The following KDSR variants were observed in gnomAD, a reference collection of about 807,000 sequenced individuals.
KDSR encodes 3-ketodihydrosphingosine reductase, also known as 3-dehydrosphinganine reductase.
In KDSR, 23 loss-of-function variants were observed where a neutral mutation model predicts 41.3. That is an observed-to-expected ratio of 0.56 (90% CI 0.40 to 0.79). KDSR has a LOEUF of 0.79. KDSR is among the 30% of genes least tolerant of loss of function. The probability of loss-of-function intolerance (pLI) is 0.00; values close to 1 mark genes in which losing one functional copy is unlikely to be tolerated. For missense variants in KDSR, 351 were observed against 416.8 expected, an observed-to-expected ratio of 0.84 and a Z score of 1.37; for synonymous variants, 138 against 151.7, an observed-to-expected ratio of 0.91 and a Z score of 0.66.
intron 9 of KDSR, among the ~76,000 whole-genome samples, chr18:63,332,758 G>C (rs764825311): frequency 3.3e-5 from 5 of 150,002 alleles, no homozygotes; most frequent in Middle Eastern, 7.0e-3. Context: ...TGTGAACCCA[G>C]GAGGCAGAGC....
intron 2 of KDSR, among the ~76,000 whole-genome samples, chr18:63,362,266 C>T (rs959399652): frequency 6.6e-6 from 1 of 152,234 alleles, no homozygotes; most frequent in Non-Finnish European, 1.5e-5. Flanking sequence ...AAAACAGATT[C>T]TGTGTTGACT....
chr18:63,366,971 G>T, intron 1 of KDSR, 40 bp downstream of exon 1: 1 of 1,143,210 alleles, frequency 8.7e-7, no homozygotes, highest in Non-Finnish European at 1.1e-6. Context: ...AAGGCCGCGC[G>T]GGCCGGTAAG....
Position 63,332,855 on chromosome 18 carries a change from A to G in KDSR, c.880-954T>C, listed in dbSNP as rs566000174. On this transcript the variant is annotated intron_variant, in intron 9 of 9. Coordinates refer to ENST00000645214, the MANE Select transcript of KDSR (RefSeq NM_002035.4). ...TCAAAAAAAAAAAAAAAAAAAAAAG[A>G]GAATAGAAAAATCCCTTTGTTTTTT... Among the ~76,000 whole-genome samples the G allele has an allele frequency of 6.4e-3, 921 of 144,974 alleles. 4 individuals carry two copies. Among genetic ancestry groups the G allele is most frequent in the Non-Finnish European group, 9.1e-3 (595 of 65,434 alleles).
At chr18:63,344,163 T>A (rs1223142200) in intron 7 of KDSR, among the ~76,000 whole-genome samples, 1 of 152,024 alleles carries the variant, frequency 6.6e-6, no homozygotes, top group Non-Finnish European at 1.5e-5. Flanking sequence ...GATGGCAGAG[T>A]GAGGCCCTGT....
rs1913895291 is a variant in KDSR at position 63,329,061 on chromosome 18, G to A, written c.*2721C>T. 1 of 197,940 alleles carries A rather than the reference G, an allele frequency of 5.1e-6. No homozygotes were observed. The highest frequency in any genetic ancestry group is 1.9e-4 in the South Asian group (1 of 5,208). 12.3% of individuals were successfully genotyped at this position (197,940 alleles called of 1,614,324 possible). A position where few individuals can be genotyped will look rare whatever the true frequency, so the allele number is the denominator to read the frequency against. ...TCCGTAACAATCACACTCAGGGTTG[G>A]TTCTTTTTTTCTTCCCCCAGCAGAA... is the stretch of plus-strand genomic sequence containing the variant. On this transcript the variant is annotated 3_prime_UTR_variant, in exon 10 of 10. Coordinates refer to ENST00000645214, the MANE Select transcript of KDSR (RefSeq NM_002035.4).
At chr18:63,332,831 C>CAAA (rs1159424416) in intron 9 of KDSR, among the ~76,000 whole-genome samples, 13 of 75,002 alleles carry the variant, frequency 1.7e-4, no homozygotes, top group East Asian at 3.7e-4. Context: ...GACTCCGTCT[C>CAAA]AAAAAAAAAA....
At chr18:63,360,348 A>C (rs940743541) in intron 2 of KDSR, among the ~76,000 whole-genome samples, 2 of 152,166 alleles carry the variant, frequency 1.3e-5, no homozygotes, top group Non-Finnish European at 2.9e-5. Flanking sequence ...CCAAGGTCCT[A>C]ATTTTGTTTG....
At chr18:63,335,402 G>T in intron 8 of KDSR, 44 bp from the exon 9 acceptor site, 1 of 1,338,252 alleles carries the variant, frequency 7.5e-7, no homozygotes, top group Non-Finnish European at 1.1e-6. Context: ...TCCTAGTAAT[G>T]TGGACAGAAA....
intron 3 of KDSR, chr18:63,359,534 T>C (rs932359496): frequency 1.1e-5 from 5 of 438,692 alleles, no homozygotes; most frequent in African/African-American, 7.9e-5. Context: ...TGACCATTTG[T>C]AGATATGAAT....
intron 1 of KDSR, chr18:63,365,820 T>C (rs982970015): frequency 1.3e-5 from 2 of 152,204 alleles, no homozygotes; most frequent in African/African-American, 4.8e-5. Flanking sequence ...TATTTATTTT[T>C]TGTAATGAAT....
intron 5 of KDSR, 144 bp downstream of exon 5, chr18:63,355,060 C>A: frequency 1.7e-6 from 1 of 596,780 alleles, no homozygotes; most frequent in South Asian, 2.3e-5. Flanking sequence ...TTCAGCTTCA[C>A]CTTGTTCAGC....
In KDSR at chr18:63,328,277, C is replaced by T. The variant is rs1913865925; in HGVS notation, c.*3505G>A. 2 of 179,794 alleles carry T rather than the reference C, an allele frequency of 1.1e-5. No individual in the cohort carries two copies. The highest frequency in any genetic ancestry group is 2.4e-5 in the Non-Finnish European group (2 of 84,112). The allele number at this position is 179,794 out of a possible 1,614,324, so 11.1% of individuals were successfully genotyped here. On this transcript the variant is annotated 3_prime_UTR_variant, in exon 10 of 10. Transcript: ENST00000645214. ...ACCAAATGTTTTCATCACCTAAATACTAGAAACAATCTCTCAAAATTTCAC... is the reference window on the plus strand; with the variant it reads ...ACCAAATGTTTTCATCACCTAAATATTAGAAACAATCTCTCAAAATTTCAC...
intron 5 of KDSR, among the ~76,000 whole-genome samples, chr18:63,353,426 G>A (rs920849320): frequency 1.1e-4 from 16 of 152,244 alleles, no homozygotes; most frequent in African/African-American, 3.6e-4. Context: ...TGCTAAGCGG[G>A]GAGTGGAGAA....
chr18:63,344,262 A>C, intron 7 of KDSR, 148 bp downstream of exon 7: 5 of 553,798 alleles, frequency 9.0e-6, no homozygotes, highest in Middle Eastern at 5.6e-4. Context: ...ATTTGCCTGG[A>C]GAATCTCAAG....
Position 63,362,784 on chromosome 18 carries a change from T to G in KDSR, c.193A>C (p.Asn65His). Residue 65 changes from asparagine to histidine, a missense_variant, in exon 2 of 10, where the codon AAT becomes CAT. Coordinates refer to ENST00000645214, the MANE Select transcript of KDSR (RefSeq NM_002035.4). The part of the protein sequence containing the change: ...QGAFITLVAR[N>H]EDKLLQAKKE... Reference sequence around the variant, plus strand: ...AATGAACCTAGAAGCCTTACCTCATTTCGTGCAACCAGAGTTATAAAAGCT... The same window carrying G: ...AATGAACCTAGAAGCCTTACCTCATGTCGTGCAACCAGAGTTATAAAAGCT... The G allele has an allele frequency of 6.8e-6, 11 of 1,609,960 alleles. No homozygotes were observed. Among genetic ancestry groups the G allele is most frequent in the Non-Finnish European group, 9.4e-6 (11 of 1,176,456 alleles).
At chr18:63,343,378 AT>A (rs1914401853) in intron 7 of KDSR, among the ~76,000 whole-genome samples, 2 of 147,680 alleles carry the variant, frequency 1.4e-5, no homozygotes, top group African/African-American at 5.0e-5. Flanking sequence ...TTATTTTTTT[AT>A]TTTTAATTTT....
At chr18:63,339,669 T>C (rs1246939702) in intron 7 of KDSR, among the ~76,000 whole-genome samples, 2 of 152,258 alleles carry the variant, frequency 1.3e-5, no homozygotes, top group African/African-American at 2.4e-5. Flanking sequence ...TTATAGCTAC[T>C]TGTGCATTTG....
intron 6 of KDSR, among the ~76,000 whole-genome samples, chr18:63,349,160 T>C (rs779870938): frequency 1.3e-5 from 2 of 152,112 alleles, no homozygotes; most frequent in East Asian, 1.9e-4. Flanking sequence ...AGCCAGAAGA[T>C]TGTTTGAGCT....
chr18:63,333,633 A>T (rs571441971), intron 9 of KDSR, among the ~76,000 whole-genome samples: 1 of 152,316 alleles, frequency 6.6e-6, no homozygotes, highest in African/African-American at 2.4e-5. Context: ...CTGTGCAGCT[A>T]AACCTTCTGA....
Sources: gnomAD v4.1 joint callset for allele counts (sites outside exome capture counted in the v4.1 genomes callset) on GRCh38, gnomAD v4.1.1 for gene constraint, MANE v1.5 for transcripts, NCBI Gene and HGNC (gene_info 2026-07-23, HGNC 2026-07-21) for gene names.